MARCHF1: variants seen among roughly 807,000 people sequenced by gnomAD.
The protein encoded by MARCHF1 is membrane associated ring-CH-type finger 1, also known as E3 ubiquitin-protein ligase MARCHF1.
A neutral mutation model predicts 54.2 loss-of-function variants in MARCHF1; 40 were observed. That is an observed-to-expected ratio of 0.74 (90% CI 0.57 to 0.96). MARCHF1 has a LOEUF of 0.96. Ranked by LOEUF, MARCHF1 falls within the 40% of genes least tolerant of loss-of-function variation. The pLI is 0.00. For missense variants in MARCHF1, 586 were observed against 656.5 expected (o/e 0.89, Z 1.17); for synonymous variants, 236 against 236.3 (o/e 1.00, Z 0.01).
chr4:163,751,584 C>T (rs62333010), intron 4 of MARCHF1, among the ~76,000 whole-genome samples: 1 of 151,066 alleles, frequency 6.6e-6, no homozygotes, highest in African/African-American at 2.4e-5. Flanking sequence ...TATACATTAC[C>T]AAAAATTATA....
intron 8 of MARCHF1, among the ~76,000 whole-genome samples, chr4:163,556,171 A>G (rs1023848152): frequency 1.4e-4 from 21 of 152,162 alleles, no homozygotes; most frequent in African/African-American, 5.1e-4. Flanking sequence ...ATGCTAGGGA[A>G]GAAGACAGCC....
At chr4:164,264,940 A>C (rs1172450973) in intron 1 of MARCHF1, among the ~76,000 whole-genome samples, 1 of 151,478 alleles carries the variant, frequency 6.6e-6, no homozygotes, top group Non-Finnish European at 1.5e-5. Context: ...AACAAAAAAA[A>C]CACCACCATC....
chr4:164,310,575 T>C lies in MARCHF1; in HGVS notation c.-323+73295A>G, dbSNP rs1270832469. On this transcript the variant is annotated intron_variant, in intron 1 of 9. Transcript: ENST00000514618. ...AAGAAACTATTAAAACCATTCTGTC[T>C]ATGAAAATGTGTTTTTATGTTCAAC... 5.6e-5 allele frequency among the ~76,000 whole-genome samples: 7 copies of C among 125,150 alleles called. No individual in the cohort carries two copies. In the East Asian group the frequency reaches 2.5e-3, roughly 44 times the overall value. The allele number at this position is 125,150 out of a possible 152,430, so 82.1% of individuals were successfully genotyped here.
chr4:163,554,177 G>C (rs1420227013), intron 8 of MARCHF1, among the ~76,000 whole-genome samples: 1 of 152,184 alleles, frequency 6.6e-6, no homozygotes, highest in Non-Finnish European at 1.5e-5. Flanking sequence ...TCATTTTTAA[G>C]GCTTTAGAAA....
chr4:164,038,569 G>A (rs1754060549), intron 2 of MARCHF1, among the ~76,000 whole-genome samples: 1 of 152,120 alleles, frequency 6.6e-6, no homozygotes, highest in African/African-American at 2.4e-5. Flanking sequence ...ATTTGTGCAG[G>A]TGCTCTGTAG....
At position 163,721,519 on chromosome 4, in the gene MARCHF1, G is replaced by C. The variant is rs571262888; in HGVS notation, c.112-20656C>G. Among the ~76,000 whole-genome samples, 116 of 152,156 alleles carry C rather than the reference G, an allele frequency of 7.6e-4. 2 individuals are homozygous for C. The South Asian group carries it at 9.5e-3, about 13-fold the overall frequency. On this transcript the variant is annotated intron_variant, in intron 4 of 9. Transcript: ENST00000514618. ...TTTTGTTGTGTCTCTGCCAGGCTTT[G>C]GTATCAGGATGATGCTGGCCTCATA...
chr4:163,538,535 A>C (rs913676682), intron 9 of MARCHF1, among the ~76,000 whole-genome samples: 1 of 152,150 alleles, frequency 6.6e-6, no homozygotes, highest in Admixed American at 6.5e-5. Flanking sequence ...GGAATAGCCA[A>C]ATCCCCAAAT....
At chr4:164,154,998 C>T (rs779142538) in intron 1 of MARCHF1, among the ~76,000 whole-genome samples, 27 of 152,128 alleles carry the variant, frequency 1.8e-4, no homozygotes, top group Non-Finnish European at 2.5e-4. Flanking sequence ...GCTAATTCTC[C>T]GACTGTCCCC....
At chr4:164,108,376 C>A (rs938512383) in intron 2 of MARCHF1, among the ~76,000 whole-genome samples, 3 of 151,882 alleles carry the variant, frequency 2.0e-5, no homozygotes, top group African/African-American at 7.2e-5. Flanking sequence ...AATTTAATTA[C>A]ATTATTCTCT....
chr4:163,662,077 T>A (rs977844717), intron 5 of MARCHF1, among the ~76,000 whole-genome samples: 6 of 152,058 alleles, frequency 3.9e-5, no homozygotes, highest in African/African-American at 1.4e-4. Context: ...CTTTTTTTTC[T>A]TCCTTTTTTG....
chr4:164,170,396 C>T (rs144480488), intron 1 of MARCHF1, among the ~76,000 whole-genome samples: 8 of 152,082 alleles, frequency 5.3e-5, no homozygotes, highest in African/African-American at 1.9e-4. Context: ...TATATACTCT[C>T]AGACTTATAA....
At chr4:164,047,934 A>T (rs962062546) in intron 2 of MARCHF1, among the ~76,000 whole-genome samples, 16 of 152,248 alleles carry the variant, frequency 1.1e-4, no homozygotes, top group African/African-American at 3.8e-4. Flanking sequence ...ATATTATTTT[A>T]TCCTTCTATG....
chr4:164,063,774 G>C (rs1283184716), intron 2 of MARCHF1, among the ~76,000 whole-genome samples: 1 of 151,852 alleles, frequency 6.6e-6, no homozygotes, highest in African/African-American at 2.4e-5. Flanking sequence ...CAGATAAACT[G>C]TGTTATAGCA....
chr4:163,702,794 A>G (rs1233117542), intron 4 of MARCHF1, among the ~76,000 whole-genome samples: 1 of 152,176 alleles, frequency 6.6e-6, no homozygotes, highest in Non-Finnish European at 1.5e-5. Context: ...TTTTCTCCCA[A>G]TATAAGGTCA....
chr4:164,377,624 T>G (rs865933888), intron 1 of MARCHF1, among the ~76,000 whole-genome samples: 1 of 145,202 alleles, frequency 6.9e-6, no homozygotes, highest in African/African-American at 2.5e-5. Flanking sequence ...CATACACACA[T>G]GTGTCTGTGT....
intron 9 of MARCHF1, among the ~76,000 whole-genome samples, chr4:163,537,676 G>C (rs1208105266): frequency 6.6e-6 from 1 of 152,032 alleles, no homozygotes. Context: ...AACATTTCTT[G>C]GAAATTCTTG....
intron 4 of MARCHF1, among the ~76,000 whole-genome samples, chr4:163,790,124 G>T (rs1171343718): frequency 6.6e-6 from 1 of 152,010 alleles, no homozygotes; most frequent in Non-Finnish European, 1.5e-5. Context: ...GTATAACCAA[G>T]GGACGGTTGC....
At chr4:164,070,499 A>C (rs751499091) in intron 2 of MARCHF1, among the ~76,000 whole-genome samples, 1 of 152,160 alleles carries the variant, frequency 6.6e-6, no homozygotes, top group Non-Finnish European at 1.5e-5. Flanking sequence ...TTCAATGTGC[A>C]TTTTTTGTAG....
chr4:163,637,472 G>A (rs963063709), intron 5 of MARCHF1, among the ~76,000 whole-genome samples: 1 of 152,212 alleles, frequency 6.6e-6, no homozygotes, highest in Non-Finnish European at 1.5e-5. Context: ...CATTTATGCA[G>A]CCAAAAAACA....
Sources: allele counts gnomAD v4.1 joint callset (sites outside exome capture counted in the v4.1 genomes callset), GRCh38; gene constraint gnomAD v4.1.1; transcripts MANE v1.5; gene names NCBI Gene and HGNC (gene_info 2026-07-23, HGNC 2026-07-21).